Variants in ERC2 observed in about 807,000 individuals in gnomAD.
ERC2 encodes the protein ERC protein 2.
In ERC2, 42 loss-of-function variants were observed where a neutral mutation model predicts 114.8. That is an observed-to-expected ratio of 0.37 (90% confidence interval 0.29 to 0.47). The LOEUF (loss-of-function observed/expected upper bound fraction) is 0.47, where lower values mean the gene tolerates loss of function less well. Ranked by LOEUF, ERC2 falls within the 20% of genes least tolerant of loss-of-function variation. The probability of loss-of-function intolerance (pLI) is 0.99; values close to 1 mark genes in which losing one functional copy is unlikely to be tolerated. For missense variants in ERC2, 939 were observed against 1,150.7 expected (o/e 0.82, Z 2.66); for synonymous variants, 454 against 425.5 (o/e 1.07, Z -0.82).
chr3:56,452,444 G>A (rs1212244633), intron 1 of ERC2, among the ~76,000 whole-genome samples: 4 of 152,172 alleles, frequency 2.6e-5, no homozygotes, highest in East Asian at 1.9e-4. Context: ...AGTTAATGCA[G>A]TTAAATTAAT....
At chr3:56,273,829 CTG>C (rs1464764871) in intron 3 of ERC2, among the ~76,000 whole-genome samples, 1 of 152,176 alleles carries the variant, frequency 6.6e-6, no homozygotes, top group East Asian at 1.9e-4. Context: ...AGATAAGAAA[CTG>C]TGTTGTCATC....
At chr3:56,413,850 T>C (rs1483576548) in intron 2 of ERC2, among the ~76,000 whole-genome samples, 7 of 152,100 alleles carry the variant, frequency 4.6e-5, no homozygotes, top group Non-Finnish European at 1.0e-4. Flanking sequence ...ACCAATCTGT[T>C]GTTGTTGTTA....
chr3:56,434,736 T>C lies in ERC2; in HGVS notation c.272A>G (p.Tyr91Cys). 1.2e-6 allele frequency: 2 copies of C among 1,614,000 alleles called. No individual in the cohort carries two copies. Among genetic ancestry groups the C allele is most frequent in the Non-Finnish European group, 1.7e-6 (2 of 1,179,882 alleles). ...CCCCATGGCTGTGACACGGCCTCCA[T>C]ATACAGCTCGATTTGTAGCCCTTCC... is the stretch of plus-strand genomic sequence containing the variant. ...TLGRATNRAV[Y>C]GGRVTAMGSS... Residue 91 changes from tyrosine to cysteine, a missense_variant, in exon 2 of 18, where the codon TAT (tyrosine) becomes TGT (cysteine). Physicochemically the swap from Tyr to Cys is radical, Grantham distance 194 (BLOSUM62 -2). Around this residue, in one of 5 missense-constraint regions of ERC2, gnomAD observed 281 missense variants for 307.4 expected, o/e 0.91. Coordinates refer to ENST00000288221, the MANE Select transcript of ERC2 (RefSeq NM_015576.3).
intron 4 of ERC2, among the ~76,000 whole-genome samples, chr3:56,157,154 T>C (rs1007628220): frequency 2.6e-5 from 4 of 152,168 alleles, no homozygotes; most frequent in Admixed American, 1.3e-4. Flanking sequence ...CTGCCTTGAA[T>C]AGAAGACAGG....
chr3:56,155,363 GA>G (rs201714845), intron 4 of ERC2, among the ~76,000 whole-genome samples: 1,099 of 74,908 alleles, frequency 0.015, 5 homozygotes, highest in African/African-American at 0.02. Context: ...TAAGGAAAAT[GA>G]AAAAAAAAAA....
In ERC2 at chr3:55,520,014, C is replaced by T. The variant is rs926385282; in HGVS notation, c.*40-8738G>A. ...AGGCTGCAGTGAGCCATGATTATGC[C>T]ACTGCACCCCAGCCTGGGTGATAGA... On this transcript the variant is annotated intron_variant, in intron 17 of 17. Coordinates refer to ENST00000288221, the MANE Select transcript of ERC2 (RefSeq NM_015576.3). Among the ~76,000 whole-genome samples, 3 of 150,650 alleles carry T rather than the reference C, an allele frequency of 2.0e-5. No individual in the cohort carries two copies. The South Asian group carries it at 6.3e-4, about 32-fold the overall frequency.
chr3:56,093,191 C>T (rs993596320), intron 6 of ERC2, among the ~76,000 whole-genome samples: 1 of 151,980 alleles, frequency 6.6e-6, no homozygotes, highest in East Asian at 1.9e-4. Context: ...TAAGAGCGTT[C>T]TTATGTTGTC....
intron 2 of ERC2, among the ~76,000 whole-genome samples, chr3:56,420,882 G>A: frequency 6.7e-6 from 1 of 149,786 alleles, no homozygotes; most frequent in Non-Finnish European, 1.5e-5. Context: ...GGGCGACAGA[G>A]CAAGACTCCG....
At chr3:56,230,034 T>C (rs1420716388) in intron 3 of ERC2, among the ~76,000 whole-genome samples, 2 of 151,980 alleles carry the variant, frequency 1.3e-5, no homozygotes, top group East Asian at 1.9e-4. Flanking sequence ...CCCGGCTAAA[T>C]TTTGTATTTT....
At chr3:56,156,667 C>T (rs1034782694) in intron 4 of ERC2, among the ~76,000 whole-genome samples, 2 of 152,278 alleles carry the variant, frequency 1.3e-5, no homozygotes, top group South Asian at 4.1e-4. Flanking sequence ...GCAAAGAAAA[C>T]TGCTTCAGTT....
At chr3:55,984,666 G>A (rs2070449540) in intron 12 of ERC2, among the ~76,000 whole-genome samples, 1 of 152,090 alleles carries the variant, frequency 6.6e-6, no homozygotes, top group Non-Finnish European at 1.5e-5. Flanking sequence ...AGTAAATTAA[G>A]AGTCATTAAA....
At chr3:55,923,045 A>G (rs2065523116) in intron 13 of ERC2, among the ~76,000 whole-genome samples, 1 of 152,180 alleles carries the variant, frequency 6.6e-6, no homozygotes, top group African/African-American at 2.4e-5. Flanking sequence ...GCCCAAAAGA[A>G]TTAAAAGCAG....
chr3:55,913,339 A>G (rs2064919304), intron 13 of ERC2, among the ~76,000 whole-genome samples: 1 of 152,206 alleles, frequency 6.6e-6, no homozygotes, highest in Non-Finnish European at 1.5e-5. Flanking sequence ...TTTTTAATTT[A>G]TAAATAAGAG....
At chr3:56,084,859 T>C (rs1162094313) in intron 6 of ERC2, among the ~76,000 whole-genome samples, 1 of 117,824 alleles carries the variant, frequency 8.5e-6, no homozygotes, top group Non-Finnish European at 1.9e-5. Context: ...ATACTGAAAT[T>C]TAAAAATTAA....
intron 3 of ERC2, among the ~76,000 whole-genome samples, chr3:56,292,584 C>T (rs541810804): frequency 2.6e-5 from 4 of 151,656 alleles, no homozygotes; most frequent in East Asian, 1.9e-4. Flanking sequence ...AGTGAGACCC[C>T]GTCCCCCACC....
intron 14 of ERC2, among the ~76,000 whole-genome samples, chr3:55,819,808 C>G (rs2060048028): frequency 6.6e-6 from 1 of 152,178 alleles, no homozygotes; most frequent in African/African-American, 2.4e-5. Context: ...TCCAAAGGGT[C>G]CAACTCAAAC....
intron 17 of ERC2, among the ~76,000 whole-genome samples, chr3:55,539,671 C>T (rs1288244830): frequency 6.6e-6 from 1 of 151,670 alleles, no homozygotes; most frequent in Non-Finnish European, 1.5e-5. Flanking sequence ...TCGTGATCTG[C>T]CTGCCTCGGC....
At chr3:55,596,061 A>T (rs901797437) in intron 17 of ERC2, among the ~76,000 whole-genome samples, 3 of 152,198 alleles carry the variant, frequency 2.0e-5, no homozygotes, top group African/African-American at 7.2e-5. Context: ...TGCTTTAGAT[A>T]CTATCAAAAC....
At position 56,296,110 on chromosome 3, in the gene ERC2, C is replaced by T. The variant is rs754015897; in HGVS notation, c.983G>A (p.Arg328Gln). The T allele has an allele frequency of 8.7e-6, 14 of 1,613,886 alleles. No homozygotes were observed. Among genetic ancestry groups the T allele is most frequent in the African/African-American group, 5.3e-5 (4 of 74,932 alleles). Residue 328 changes from arginine (R) to glutamine (Q), a missense_variant, in exon 3 of 18, where the codon CGA becomes CAA. This residue lies in a region of ERC2 where 148 missense variants were observed against 159.1 expected (regional missense o/e 0.93). Transcript: ENST00000288221. ...PSKSLEDDNERTRRMAEAESQ... is the reference protein window; with the variant it reads ...PSKSLEDDNEQTRRMAEAESQ... ...CTCAGCCTCTGCCATCCGCCGCGTTCGCTCATTGTCATCCTCCAGGCTTTT... is the reference window on the plus strand; with the variant it reads ...CTCAGCCTCTGCCATCCGCCGCGTTTGCTCATTGTCATCCTCCAGGCTTTT...
Sources: allele counts gnomAD v4.1 joint callset (sites outside exome capture counted in the v4.1 genomes callset), GRCh38; gene constraint gnomAD v4.1.1; regional missense constraint gnomAD v4.1.1; transcripts MANE v1.5; gene names NCBI Gene and HGNC (gene_info 2026-07-23, HGNC 2026-07-21).